Variants in TCF20 observed in about 807,000 individuals in gnomAD.
The protein encoded by TCF20 is transcription factor 20, also known as SPRE-binding protein.
TCF20 carries 3 observed loss-of-function variants against 148.6 expected under a neutral mutation model. That is an observed-to-expected ratio of 0.02 (90% CI 0.01 to 0.05). The LOEUF (loss-of-function observed/expected upper bound fraction) is 0.05, where lower values mean the gene tolerates loss of function less well. TCF20 is among the 10% of genes least tolerant of loss of function. The pLI, the probability that TCF20 is intolerant of heterozygous loss-of-function variation, is 1.00. For missense variants in TCF20, 2,350 were observed against 2,429.3 expected (o/e 0.97, Z 0.69); for synonymous variants, 1,049 against 909.5 (o/e 1.15, Z -2.76).
Position 42,212,022 on chromosome 22 carries a change from T to A in TCF20, c.3284A>T (p.Glu1095Val), listed in dbSNP as rs755943322. ...ACCGCTGCTCCAGTCTTTATACTCC[T>A]CTGGTTGCTGTTGGTACATCTGTCT... ...YKRQMYQQQPEEYKDWSSGSA... is the reference protein window; with the variant it reads ...YKRQMYQQQPVEYKDWSSGSA... The change falls in exon 2 of 6, where the codon GAG becomes GTG. Residue 1095 changes from glutamate to valine, a missense_variant. Transcript: ENST00000677622. The A allele has an allele frequency of 3.1e-6, 5 of 1,614,168 alleles. No individual in the cohort carries two copies. In the Admixed American group the frequency reaches 8.3e-5, roughly 27 times the overall value.
At chr22:42,242,787 T>G (rs1230721225) in intron 1 of TCF20, among the ~76,000 whole-genome samples, 2 of 151,942 alleles carry the variant, frequency 1.3e-5, no homozygotes, top group Admixed American at 6.6e-5. Context: ...CACGGGAGAC[T>G]GAGGCAGGAG....
rs778909624 is a variant in TCF20 at position 42,290,047 on chromosome 22, G to C, written c.-37+53432C>G. ...GTTCCAGGAATATTAATTCTCCACA[G>C]CCGGCTCACTCCCGCCGCACGCATG... On this transcript the variant is annotated intron_variant, in intron 1 of 1. Transcript: ENST00000515426. This position sits in a 1 kb window ranked among gnomAD's most constrained non-coding sequence, Gnocchi z 4.2. Among the ~76,000 whole-genome samples the C allele has an allele frequency of 3.3e-5, 5 of 152,362 alleles. No individual in the cohort carries two copies. The highest frequency in any genetic ancestry group is 5.9e-5 in the Non-Finnish European group (4 of 68,038).
At chr22:42,324,556 T>G (rs866260403) in intron 1 of TCF20, among the ~76,000 whole-genome samples, 1 of 151,740 alleles carries the variant, frequency 6.6e-6, no homozygotes, top group African/African-American at 2.4e-5. Flanking sequence ...CTCCACCATT[T>G]GAGAAAATAA....
At chr22:42,195,657 G>A (rs1569127875) in intron 2 of TCF20, among the ~76,000 whole-genome samples, 4 of 152,016 alleles carry the variant, frequency 2.6e-5, no homozygotes, top group Non-Finnish European at 5.9e-5. Context: ...CCACCACCAT[G>A]CCCAGCTAAC....
At chr22:42,256,681 T>C (rs1351378592) in intron 1 of TCF20, among the ~76,000 whole-genome samples, 1 of 152,168 alleles carries the variant, frequency 6.6e-6, no homozygotes, top group African/African-American at 2.4e-5. Flanking sequence ...AAAGTAGCAT[T>C]AAGTTCAATG....
chr22:42,226,088 C>T lies in TCF20; in HGVS notation c.-36-10747G>A, dbSNP rs561791754. On this transcript the variant is annotated intron_variant, in intron 1 of 5. Transcript: ENST00000677622. ...CTGGGCCCTATCCTGGCCCCACCCC[C>T]ACTCCATGGCTATCTGTCTTATTTT... Among the ~76,000 whole-genome samples the T allele has an allele frequency of 1.5e-4, 23 of 152,332 alleles. 1 individual carries two copies. Among genetic ancestry groups the T allele is most frequent in the African/African-American group, 4.8e-4 (20 of 41,582 alleles).
At chr22:42,255,394 CA>C (rs1317492543) in intron 1 of TCF20, among the ~76,000 whole-genome samples, 2 of 151,930 alleles carry the variant, frequency 1.3e-5, no homozygotes, top group African/African-American at 4.8e-5. Context: ...GAGGCTAAGG[CA>C]GGGGCATCAC....
chr22:42,265,803 T>C (rs1031903979), intron 1 of TCF20, among the ~76,000 whole-genome samples: 7 of 152,216 alleles, frequency 4.6e-5, no homozygotes, highest in African/African-American at 7.2e-5. Context: ...TTCTAGTGCA[T>C]TGTAAACTAG....
At chr22:42,270,735 C>CG (rs1368183308), upstream of TCF20, among the ~76,000 whole-genome samples, 1 of 120,998 alleles carries the variant, frequency 8.3e-6, no homozygotes, top group Non-Finnish European at 1.8e-5. Context: ...CGCGGCGGGG[C>CG]GGGGCGCGCG....
At chr22:42,167,889 A>ATT (rs75936403) in intron 5 of TCF20, among the ~76,000 whole-genome samples, 69 of 140,468 alleles carry the variant, frequency 4.9e-4, no homozygotes, top group African/African-American at 1.7e-3. Context: ...CGCACGGCTA[A>ATT]TTTTTTTTTT....
intron 1 of TCF20, among the ~76,000 whole-genome samples, chr22:42,252,362 A>G (rs954039641): frequency 1.3e-5 from 2 of 152,206 alleles, no homozygotes; most frequent in African/African-American, 4.8e-5. Context: ...CAACTATTCA[A>G]GAAGTCTTTG....
Position 42,213,363 on chromosome 22 carries a change from C to G in TCF20, c.1943G>C (p.Ser648Thr), listed in dbSNP as rs1921246561. 1 of 1,614,086 alleles carries G rather than the reference C, an allele frequency of 6.2e-7. No individual in the cohort carries two copies. Among genetic ancestry groups the G allele is most frequent in the Non-Finnish European group, 8.5e-7 (1 of 1,180,044 alleles). Reference sequence around the variant, plus strand: ...CTCTGGCTGGGGAAGTGATGCATGACTGGTTTCCTTTGCCCCACCATTGCT... The same window carrying G: ...CTCTGGCTGGGGAAGTGATGCATGAGTGGTTTCCTTTGCCCCACCATTGCT... ...PPSNGGAKET[S>T]HASLPQPEPP... Residue 648 changes from serine (S) to threonine (T), a missense_variant, in exon 2 of 6, where the codon AGT becomes ACT. Around this residue, in one of 7 missense-constraint regions of TCF20, gnomAD observed 1,641 missense variants for 1,662.6 expected, o/e 0.99. Transcript: ENST00000677622.
intron 2 of TCF20, among the ~76,000 whole-genome samples, chr22:42,202,375 T>C (rs1423835463): frequency 6.6e-6 from 1 of 152,218 alleles, no homozygotes; most frequent in Non-Finnish European, 1.5e-5. Flanking sequence ...AACATACCTC[T>C]TTACTGTAGG....
intron 1 of TCF20, among the ~76,000 whole-genome samples, chr22:42,343,059 G>T (rs2147065782): frequency 6.6e-6 from 1 of 152,210 alleles, no homozygotes; most frequent in East Asian, 1.9e-4. Flanking sequence ...GACAATGGAT[G>T]ATTTTTTTTT....
chr22:42,254,076 C>CAAAAAAAAAAAAAAAAAAAAAAAAAAA, intron 1 of TCF20, among the ~76,000 whole-genome samples: 1 of 53,584 alleles, frequency 1.9e-5, no homozygotes. Context: ...AACTCCCTTT[C>CAAAAAAAAAAAAAAAAAAAAAAAAAAA]AAAAAAAAAA....
chr22:42,197,341 G>C (rs923724506), intron 2 of TCF20, among the ~76,000 whole-genome samples: 1 of 46,872 alleles, frequency 2.1e-5, no homozygotes, highest in African/African-American at 8.0e-5. Context: ...TTTTTTTTTT[G>C]AGATGGAGTC....
chr22:42,171,787 T>C (rs1283721361), intron 3 of TCF20, among the ~76,000 whole-genome samples: 1 of 152,190 alleles, frequency 6.6e-6, no homozygotes, highest in Non-Finnish European at 1.5e-5. Context: ...GCTTAGTCTC[T>C]AGTTTGGGCC....
At position 42,177,422 on chromosome 22, in the gene TCF20, A is replaced by G. The variant is rs1936517152; in HGVS notation, c.5749+2187T>C. 2.6e-5 allele frequency among the ~76,000 whole-genome samples: 4 copies of G among 152,226 alleles called. No homozygotes were observed. The South Asian group carries it at 6.2e-4, about 24-fold the overall frequency. On this transcript the variant is annotated intron_variant, in intron 3 of 5. Coordinates refer to ENST00000677622, the MANE Select transcript of TCF20 (RefSeq NM_001378418.1). ...AAGAGCGAAACTTCGTCTCAAAAAG[A>G]AAAGTAAAAAACTTAATAAACTTGA...
chr22:42,188,107 A>T (rs1357640969), intron 2 of TCF20, among the ~76,000 whole-genome samples: 3 of 151,908 alleles, frequency 2.0e-5, no homozygotes, highest in Non-Finnish European at 4.4e-5. Flanking sequence ...CAGGCTGGCC[A>T]ACACAGTGAA....
Sources: gnomAD v4.1 joint callset for allele counts (sites outside exome capture counted in the v4.1 genomes callset) on GRCh38, gnomAD v4.1.1 for gene constraint, gnomAD v4.1.1 regional missense constraint, Gnocchi (gnomAD v3.1) non-coding constraint, MANE v1.5 for transcripts, NCBI Gene and HGNC (gene_info 2026-07-23, HGNC 2026-07-21) for gene names.